BCHE: variants seen among roughly 807,000 people sequenced by gnomAD.
The protein encoded by BCHE is cholinesterase.
A neutral mutation model predicts 51.3 loss-of-function variants in BCHE; 48 were observed. The observed-to-expected ratio is 0.94, with a 90% CI of 0.74 to 1.19. The LOEUF (loss-of-function observed/expected upper bound fraction) is 1.19. Ranked by LOEUF, BCHE falls within the 50% of genes most tolerant of loss-of-function variation. The pLI is 0.00. For missense variants in BCHE, 847 were observed against 708.2 expected (o/e 1.20, Z -2.23); for synonymous variants, 251 against 238.0 (o/e 1.05, Z -0.50).
At chr3:165,813,117 G>A (rs1014964215) in intron 2 of BCHE, among the ~76,000 whole-genome samples, 6 of 151,656 alleles carry the variant, frequency 4.0e-5, no homozygotes, top group African/African-American at 1.5e-4. Flanking sequence ...TAAAATTAGA[G>A]ACTACTGTGG....
chr3:165,823,206 C>A (rs1209679006), intron 2 of BCHE, among the ~76,000 whole-genome samples: 2 of 152,042 alleles, frequency 1.3e-5, no homozygotes, highest in African/African-American at 2.4e-5. Context: ...TCCTTTAGTG[C>A]TAGCTCAAAA....
chr3:165,790,186 C>T (rs1371769875), intron 2 of BCHE, among the ~76,000 whole-genome samples: 1 of 152,096 alleles, frequency 6.6e-6, no homozygotes, highest in Non-Finnish European at 1.5e-5. Flanking sequence ...TGATATCATA[C>T]TGACCTCCAT....
intron 2 of BCHE, among the ~76,000 whole-genome samples, chr3:165,797,818 T>G (rs1713476415): frequency 6.6e-6 from 1 of 152,178 alleles, no homozygotes. Flanking sequence ...GAAACTTAGT[T>G]TTGTAGTAGC....
intron 3 of BCHE, among the ~76,000 whole-genome samples, chr3:165,780,677 T>C (rs1712660709): frequency 6.6e-6 from 1 of 151,998 alleles, no homozygotes; most frequent in South Asian, 2.1e-4. Context: ...ACATCACTGA[T>C]CATTGGAGAA....
intron 1 of BCHE, among the ~76,000 whole-genome samples, chr3:165,832,821 G>C (rs1430241014): frequency 6.6e-6 from 1 of 152,018 alleles, no homozygotes; most frequent in African/African-American, 2.4e-5. Flanking sequence ...TTTTCTCAAA[G>C]AAAGAGAATA....
At chr3:165,828,041 C>A (rs563132831) in intron 2 of BCHE, 1 of 455,618 alleles carries the variant, frequency 2.2e-6, no homozygotes, top group Non-Finnish European at 4.4e-6. Context: ...GTTTCAAGAA[C>A]GTAGTTTAGT....
At chr3:165,779,040 T>C (rs1712580941) in intron 3 of BCHE, among the ~76,000 whole-genome samples, 1 of 152,188 alleles carries the variant, frequency 6.6e-6, no homozygotes, top group South Asian at 2.1e-4. Flanking sequence ...ATACTTATGT[T>C]GGCTTTAACA....
chr3:165,773,496 A>T lies in BCHE; in HGVS notation c.1695T>A (p.Asp565Glu), dbSNP rs778008893. 6 of 1,605,660 alleles carry T rather than the reference A, an allele frequency of 3.7e-6. No individual in the cohort carries two copies. The South Asian group carries it at 6.6e-5, about 18-fold the overall frequency. ...PKVLEMTGNI[D>E]EAEWEWKAGF... ...CTGCTTTCCACTCCCATTCTGCTTCATCAATATTTCCTGTAAAATATGGAA... is the reference window on the plus strand; with the variant it reads ...CTGCTTTCCACTCCCATTCTGCTTCTTCAATATTTCCTGTAAAATATGGAA... Residue 565 changes from aspartate (D) to glutamate (E), a missense_variant, in exon 4 of 4, where the codon GAT becomes GAA. By Grantham distance (45) the Asp-to-Glu change is conservative. Coordinates refer to ENST00000264381, the MANE Select transcript of BCHE (RefSeq NM_000055.4).
intron 2 of BCHE, among the ~76,000 whole-genome samples, chr3:165,799,621 C>T (rs891216978): frequency 2.0e-5 from 3 of 152,060 alleles, no homozygotes; most frequent in Admixed American, 2.0e-4. Context: ...AACAAATAAA[C>T]ATTGTAAGTC....
At chr3:165,773,606 G>A in intron 3 of BCHE, 100 bp from the exon 4 acceptor site, 6 of 900,682 alleles carry the variant, frequency 6.7e-6, no homozygotes, top group Non-Finnish European at 8.4e-6. Context: ...TAACTACACA[G>A]TACAGCATTA....
Position 165,830,616 on chromosome 3 carries a change from A to G in BCHE, c.418T>C (p.Trp140Arg), listed in dbSNP as rs766168551. The G allele has an allele frequency of 6.2e-6, 10 of 1,613,908 alleles. No individual in the cohort carries two copies. Among genetic ancestry groups the G allele is most frequent in the African/African-American group, 4.0e-5 (3 of 74,920 alleles). ...GTTTGAAAACCACCACCATAAATCC[A>G]TATCAATACAGTGGCATTTTTTGGT... ...PKPKNATVLI[W>R]IYGGGFQTGT... The change falls in exon 2 of 4, where the codon TGG becomes CGG. Residue 140 changes from tryptophan (W) to arginine (R), a missense_variant. By Grantham distance (101) the Trp-to-Arg change is moderately radical. Coordinates refer to ENST00000264381, the MANE Select transcript of BCHE (RefSeq NM_000055.4).
At chr3:165,831,277 T>G (rs1028600337) in intron 1 of BCHE, among the ~76,000 whole-genome samples, 3 of 152,104 alleles carry the variant, frequency 2.0e-5, no homozygotes, top group Non-Finnish European at 4.4e-5. Flanking sequence ...TTAGGGATAT[T>G]TATTGTCAAA....
rs376279564 is a variant in BCHE, at chr3:165,815,783, T to C, written c.1517+13734A>G. On this transcript the variant is annotated intron_variant, in intron 2 of 3. Transcript: ENST00000264381. ...ATATTTTAACAGATTAATTTTCTAT[T>C]AGACATTACATAATACTTCTATGAA... Among the ~76,000 whole-genome samples, 72 of 152,188 alleles carry C rather than the reference T, an allele frequency of 4.7e-4. 4 individuals are homozygous for C. The South Asian group carries it at 0.015, about 31-fold the overall frequency.
rs747598704 is a variant in BCHE, at chr3:165,830,575, T to C, written c.459A>G (p.Leu153=). The C allele has an allele frequency of 2.5e-6, 4 of 1,613,984 alleles. No homozygotes were observed. The Admixed American group carries it at 6.7e-5, about 27-fold the overall frequency. The change falls in exon 2 of 4, where the codon TTA becomes TTG. Residue 153 remains leucine (L), a synonymous_variant. Transcript: ENST00000264381. ...GGGFQTGTSS[L]HVYDGKFLAR... ...CCAGAAACTTGCCATCATAAACATG[T>C]AAAGATGATGTTCCAGTTTGAAAAC...
At chr3:165,810,079 CAGATTG>C (rs1714035079) in intron 2 of BCHE, among the ~76,000 whole-genome samples, 1 of 151,848 alleles carries the variant, frequency 6.6e-6, no homozygotes, top group Non-Finnish European at 1.5e-5. Flanking sequence ...AAGTGACAGA[CAGATTG>C]AAATAATTCT....
chr3:165,821,724 A>T (rs1280421728), intron 2 of BCHE, among the ~76,000 whole-genome samples: 1 of 151,830 alleles, frequency 6.6e-6, no homozygotes, highest in East Asian at 1.9e-4. Flanking sequence ...AATCTGTCAA[A>T]TCTGCAATTT....
At chr3:165,828,716 T>C (rs935994874) in intron 2 of BCHE, among the ~76,000 whole-genome samples, 1 of 151,862 alleles carries the variant, frequency 6.6e-6, no homozygotes, top group African/African-American at 2.4e-5. Context: ...GGTTTTGGTT[T>C]ACAAATGTAG....
Position 165,781,015 on chromosome 3 carries a change from G to T in BCHE, c.1684+5130C>A, listed in dbSNP as rs1034273509. On this transcript the variant is annotated intron_variant, in intron 3 of 3. Transcript: ENST00000264381. Reference sequence around the variant, plus strand: ...CCTGCACTTTGGGAGGCCGAGGTAGGTGGATCACCTGAGGTCAGGGGTTCG... The same window carrying T: ...CCTGCACTTTGGGAGGCCGAGGTAGTTGGATCACCTGAGGTCAGGGGTTCG... Among the ~76,000 whole-genome samples, 3 of 152,260 alleles carry T rather than the reference G, an allele frequency of 2.0e-5. No individual in the cohort carries two copies. The South Asian group carries it at 6.2e-4, about 32-fold the overall frequency.
chr3:165,809,277 C>T (rs1270225578), intron 2 of BCHE, among the ~76,000 whole-genome samples: 2 of 152,044 alleles, frequency 1.3e-5, no homozygotes, highest in East Asian at 1.9e-4. Flanking sequence ...TATAAGCAAA[C>T]GTATTTAAAT....
Sources: gnomAD v4.1 joint callset for allele counts (sites outside exome capture counted in the v4.1 genomes callset) on GRCh38, gnomAD v4.1.1 for gene constraint, MANE v1.5 for transcripts, NCBI Gene and HGNC (gene_info 2026-07-23, HGNC 2026-07-21) for gene names.